Variants in EGFLAM observed in about 807,000 individuals in gnomAD.
EGFLAM encodes EGF like, fibronectin type III and laminin G domains, also known as pikachurin.
A neutral mutation model predicts 113.1 loss-of-function variants in EGFLAM; 79 were observed. The ratio of observed to expected loss-of-function variants is 0.70; its 90% CI spans 0.58 to 0.84. The LOEUF (loss-of-function observed/expected upper bound fraction) is 0.84. Among genes scored for constraint, EGFLAM ranks in the 40% least tolerant of loss-of-function variants. The pLI is 0.00. For synonymous variants in EGFLAM, 504 were observed against 487.6 expected (o/e 1.03, Z -0.44); for missense variants, 1,265 against 1,291.6 (o/e 0.98, Z 0.32).
rs185564240 is a variant in EGFLAM, at chr5:38,290,285, C to T, written c.97+31434C>T. ...GACTAGTTTTCCACCGATTCCTATC[C>T]CTCCTTGGTTGAGACTTGTTCTTGA... On this transcript the variant is annotated intron_variant, in intron 1 of 21. Coordinates refer to ENST00000322350, the MANE Select transcript of EGFLAM (RefSeq NM_152403.4). 5.7e-3 allele frequency among the ~76,000 whole-genome samples: 872 copies of T among 152,236 alleles called. 5 individuals carry two copies. Among genetic ancestry groups the T allele is most frequent in the Non-Finnish European group, 9.2e-3 (623 of 68,014 alleles).
chr5:38,439,177 G>A (rs1333089334), intron 17 of EGFLAM, among the ~76,000 whole-genome samples: 1 of 152,152 alleles, frequency 6.6e-6, no homozygotes, highest in Admixed American at 6.5e-5. Context: ...TCCATTAGCA[G>A]GTGCTGTGGG....
chr5:38,452,559 A>G (rs1286418400), intron 19 of EGFLAM, among the ~76,000 whole-genome samples: 1 of 152,214 alleles, frequency 6.6e-6, no homozygotes, highest in Non-Finnish European at 1.5e-5. Flanking sequence ...AAGGCCAAGC[A>G]TAGAAGTGAG....
chr5:38,353,127 C>T (rs1987150), intron 5 of EGFLAM, among the ~76,000 whole-genome samples: 3 of 152,192 alleles, frequency 2.0e-5, no homozygotes, highest in African/African-American at 7.2e-5. Flanking sequence ...ATCTACCTCT[C>T]CATTTCTTAT....
intron 10 of EGFLAM, among the ~76,000 whole-genome samples, chr5:38,409,351 G>A (rs1741398623): frequency 6.6e-6 from 1 of 152,198 alleles, no homozygotes; most frequent in African/African-American, 2.4e-5. Flanking sequence ...GGCTCTGGAG[G>A]TGTTGTAGAG....
At chr5:38,348,435 A>G (rs1385987103) in intron 3 of EGFLAM, among the ~76,000 whole-genome samples, 1 of 152,192 alleles carries the variant, frequency 6.6e-6, no homozygotes, top group East Asian at 1.9e-4. Context: ...CGAGAAGTAG[A>G]AGGTGACCAT....
chr5:38,422,277 G>T (rs1330379140), intron 12 of EGFLAM, among the ~76,000 whole-genome samples: 1 of 152,038 alleles, frequency 6.6e-6, no homozygotes, highest in Non-Finnish European at 1.5e-5. Flanking sequence ...TGATAATGAG[G>T]TCTGTGTATA....
Position 38,352,286 on chromosome 5 carries a change from G to T in EGFLAM, c.500G>T (p.Ser167Ile). The change falls in exon 5 of 22, where the codon AGT (serine) becomes ATT (isoleucine). Residue 167 changes from serine to isoleucine, a missense_variant. Physicochemically the swap from Ser to Ile is moderately radical, Grantham distance 142. Coordinates refer to ENST00000322350, the MANE Select transcript of EGFLAM (RefSeq NM_152403.4). The part of the protein sequence containing the change: ...EVALSWKPGA[S>I]EGSAPIQYYS... ...GCCCTGTCTTGGAAACCTGGAGCGA[G>T]TGAAGGAAGCGCCCCTATTCAGTAC... The T allele has an allele frequency of 1.2e-6, 2 of 1,614,078 alleles. No individual in the cohort carries two copies. The highest frequency in any genetic ancestry group is 1.1e-5 in the South Asian group (1 of 91,062).
rs147607688 is a variant in EGFLAM, at chr5:38,292,185, A to G, written c.97+33334A>G. Among the ~76,000 whole-genome samples the G allele has an allele frequency of 9.8e-5, 15 of 152,316 alleles. No individual in the cohort carries two copies. In the East Asian group the frequency reaches 2.9e-3, roughly 29 times the overall value. On this transcript the variant is annotated intron_variant, in intron 1 of 21. Coordinates refer to ENST00000322350, the MANE Select transcript of EGFLAM (RefSeq NM_152403.4). Reference sequence around the variant, plus strand: ...GAATATTCCTAATCAAATCCTTAACAATGTCTTATCACATTACTTGCTTCA... The same window carrying G: ...GAATATTCCTAATCAAATCCTTAACGATGTCTTATCACATTACTTGCTTCA...
At chr5:38,291,218 T>C (rs151037260) in intron 1 of EGFLAM, among the ~76,000 whole-genome samples, 212 of 152,368 alleles carry the variant, frequency 1.4e-3, no homozygotes, top group African/African-American at 5.0e-3. Context: ...GCATGGACTG[T>C]ATTTTATTAA....
At chr5:38,293,676 C>T (rs1282589313) in intron 1 of EGFLAM, among the ~76,000 whole-genome samples, 1 of 152,082 alleles carries the variant, frequency 6.6e-6, no homozygotes, top group Non-Finnish European at 1.5e-5. Context: ...TTATATATTG[C>T]ATTATATAAA....
intron 19 of EGFLAM, 176 bp downstream of exon 19, chr5:38,451,634 A>G (rs1424781898): frequency 5.5e-6 from 5 of 911,664 alleles, no homozygotes; most frequent in Non-Finnish European, 7.9e-6. Flanking sequence ...CATCTTATAG[A>G]GCAGCAGTCA....
At chr5:38,451,283 A>C (rs1027493629) in intron 18 of EGFLAM, 32 bp from the exon 19 acceptor site, 6 of 1,601,648 alleles carry the variant, frequency 3.7e-6, no homozygotes, top group Middle Eastern at 3.3e-4. Context: ...TTGGTGGTTG[A>C]TTTGGTGGAC....
At chr5:38,344,340 G>C (rs866519817) in intron 3 of EGFLAM, among the ~76,000 whole-genome samples, 13 of 152,108 alleles carry the variant, frequency 8.5e-5, no homozygotes, top group Admixed American at 6.6e-5. Flanking sequence ...ACAAAAATTA[G>C]CCAGGCATGG....
chr5:38,361,800 C>CTT (rs1354667917), intron 5 of EGFLAM, among the ~76,000 whole-genome samples: 1 of 152,166 alleles, frequency 6.6e-6, no homozygotes, highest in East Asian at 1.9e-4. Flanking sequence ...CTAAGCCTTA[C>CTT]TTTCCTCTGC....
At chr5:38,289,525 C>T (rs997032742) in intron 1 of EGFLAM, among the ~76,000 whole-genome samples, 4 of 152,188 alleles carry the variant, frequency 2.6e-5, no homozygotes, top group African/African-American at 9.7e-5. Flanking sequence ...GTGACCCAAG[C>T]TCCACTACTT....
At chr5:38,312,020 T>C (rs973347815) in intron 1 of EGFLAM, among the ~76,000 whole-genome samples, 2 of 152,208 alleles carry the variant, frequency 1.3e-5, no homozygotes, top group African/African-American at 2.4e-5. Context: ...CCTGTAACCA[T>C]CGTCATTTAA....
chr5:38,284,836 C>A lies in EGFLAM; in HGVS notation c.97+25985C>A, dbSNP rs1003285401. Among the ~76,000 whole-genome samples the A allele has an allele frequency of 2.6e-5, 4 of 152,228 alleles. No individual in the cohort carries two copies. In the East Asian group the frequency reaches 7.7e-4, roughly 29 times the overall value. ...AATCTTGAGAAGATAAAGACATCAC[C>A]AAATAAACTCTCCATTTTGATGTAG... On this transcript the variant is annotated intron_variant, in intron 1 of 21. Coordinates refer to ENST00000322350, the MANE Select transcript of EGFLAM (RefSeq NM_152403.4).
At chr5:38,450,091 T>C (rs552636863) in intron 18 of EGFLAM, among the ~76,000 whole-genome samples, 4 of 152,330 alleles carry the variant, frequency 2.6e-5, no homozygotes, top group South Asian at 2.1e-4. Flanking sequence ...TTGTATCTCA[T>C]TGGACAAAAG....
chr5:38,312,465 C>T (rs879607582), intron 1 of EGFLAM, among the ~76,000 whole-genome samples: 1 of 152,092 alleles, frequency 6.6e-6, no homozygotes, highest in African/African-American at 2.4e-5. Flanking sequence ...TGGTCTTGAT[C>T]TGCTGACCTC....
Sources: gnomAD v4.1 joint callset for allele counts (sites outside exome capture counted in the v4.1 genomes callset) on GRCh38, gnomAD v4.1.1 for gene constraint, MANE v1.5 for transcripts, NCBI Gene and HGNC (gene_info 2026-07-23, HGNC 2026-07-21) for gene names.